ADGRB3: variants seen among roughly 807,000 people sequenced by gnomAD.
The protein encoded by ADGRB3 is adhesion G protein-coupled receptor B3, also known as brain-specific angiogenesis inhibitor 3.
A neutral mutation model predicts 193.4 loss-of-function variants in ADGRB3; 37 were observed. That is an observed-to-expected ratio of 0.19 (90% CI 0.15 to 0.25). ADGRB3 has a LOEUF of 0.25. ADGRB3 is among the 10% of genes least tolerant of loss of function. The pLI is 1.00. For missense variants in ADGRB3, 1,637 were observed against 1,852.9 expected (o/e 0.88, Z 2.14); for synonymous variants, 690 against 644.2 (o/e 1.07, Z -1.08).
At chr6:68,683,905 A>G (rs528885274) in intron 3 of ADGRB3, among the ~76,000 whole-genome samples, 1 of 152,178 alleles carries the variant, frequency 6.6e-6, no homozygotes, top group Non-Finnish European at 1.5e-5. Flanking sequence ...ATGTAAGTGC[A>G]TAGGACTACC....
intron 17 of ADGRB3, among the ~76,000 whole-genome samples, chr6:69,133,953 T>C (rs924931378): frequency 2.6e-5 from 4 of 152,160 alleles, no homozygotes; most frequent in Admixed American, 2.0e-4. Context: ...TTTCCATTGC[T>C]GAATTACTTC....
At chr6:69,057,375 T>C (rs1403471829) in intron 15 of ADGRB3, among the ~76,000 whole-genome samples, 1 of 152,108 alleles carries the variant, frequency 6.6e-6, no homozygotes, top group Non-Finnish European at 1.5e-5. Context: ...CCTCTTCCTT[T>C]CCCATTTGGA....
intron 20 of ADGRB3, among the ~76,000 whole-genome samples, chr6:69,257,923 C>T (rs1368180651): frequency 6.6e-6 from 1 of 152,058 alleles, no homozygotes; most frequent in African/African-American, 2.4e-5. Flanking sequence ...GCAGACCTGT[C>T]TATTTGTAGA....
intron 10 of ADGRB3, among the ~76,000 whole-genome samples, chr6:68,991,406 A>G (rs1454262128): frequency 6.6e-6 from 1 of 152,092 alleles, no homozygotes; most frequent in Non-Finnish European, 1.5e-5. Context: ...AGAAGGCACA[A>G]TGGCAGGTAA....
intron 3 of ADGRB3, among the ~76,000 whole-genome samples, chr6:68,874,825 A>T (rs967209394): frequency 6.6e-6 from 1 of 152,092 alleles, no homozygotes; most frequent in African/African-American, 2.4e-5. Flanking sequence ...TCTATATATG[A>T]ATATCTTTAT....
chr6:69,374,027 C>A (rs1769761767), intron 30 of ADGRB3, among the ~76,000 whole-genome samples: 1 of 152,084 alleles, frequency 6.6e-6, no homozygotes, highest in South Asian at 2.1e-4. Context: ...ACCCATAAAA[C>A]CATGTTGTTA....
At chr6:68,900,402 A>G (rs1766362178) in intron 3 of ADGRB3, among the ~76,000 whole-genome samples, 1 of 152,180 alleles carries the variant, frequency 6.6e-6, no homozygotes, top group African/African-American at 2.4e-5. Flanking sequence ...CATAGGGAAC[A>G]TGACAGGGAA....
intron 3 of ADGRB3, among the ~76,000 whole-genome samples, chr6:68,720,835 T>C (rs773778986): frequency 1.2e-4 from 18 of 151,792 alleles, no homozygotes; most frequent in Non-Finnish European, 2.4e-4. Flanking sequence ...AAGTTGTTTC[T>C]GCTGTTACCT....
At chr6:69,118,589 G>A (rs1773597375) in intron 17 of ADGRB3, among the ~76,000 whole-genome samples, 1 of 151,734 alleles carries the variant, frequency 6.6e-6, no homozygotes, top group East Asian at 1.9e-4. Flanking sequence ...ACTTCCAAGG[G>A]TCTCTGGGAC....
intron 20 of ADGRB3, among the ~76,000 whole-genome samples, chr6:69,250,722 A>G (rs571501243): frequency 1.3e-5 from 2 of 152,272 alleles, no homozygotes; most frequent in East Asian, 3.9e-4. Flanking sequence ...CACTTATTCT[A>G]ACTGAAGTAC....
intron 11 of ADGRB3, among the ~76,000 whole-genome samples, chr6:69,013,447 G>C (rs1769996340): frequency 6.6e-6 from 1 of 152,090 alleles, no homozygotes; most frequent in African/African-American, 2.4e-5. Flanking sequence ...GGAGTAAAGA[G>C]TAATAATTTG....
intron 13 of ADGRB3, among the ~76,000 whole-genome samples, chr6:69,030,146 A>G (rs1252125107): frequency 1.3e-5 from 2 of 152,086 alleles, no homozygotes; most frequent in Non-Finnish European, 2.9e-5. Context: ...AGAAATAGGA[A>G]CACTTTTACA....
At chr6:68,969,225 A>G (rs1768484332) in intron 8 of ADGRB3, among the ~76,000 whole-genome samples, 2 of 152,180 alleles carry the variant, frequency 1.3e-5, no homozygotes, top group African/African-American at 4.8e-5. Flanking sequence ...TATAATATTC[A>G]TATATTCAAT....
chr6:69,357,229 T>C (rs183673794), intron 28 of ADGRB3, among the ~76,000 whole-genome samples: 2 of 152,174 alleles, frequency 1.3e-5, no homozygotes, highest in East Asian at 3.9e-4. Flanking sequence ...GTATTAATGA[T>C]TTGCATATGA....
At chr6:68,823,667 C>G (rs1479445758) in intron 3 of ADGRB3, among the ~76,000 whole-genome samples, 4 of 152,000 alleles carry the variant, frequency 2.6e-5, no homozygotes, top group African/African-American at 9.7e-5. Flanking sequence ...CAAAATGACT[C>G]ATGCATGATA....
chr6:68,762,503 G>A (rs896287637), intron 3 of ADGRB3, among the ~76,000 whole-genome samples: 1 of 151,942 alleles, frequency 6.6e-6, no homozygotes, highest in Non-Finnish European at 1.5e-5. Flanking sequence ...TATATAGAGA[G>A]AGAGAGAGTG....
At chr6:69,305,967 G>C (rs998467710) in intron 20 of ADGRB3, among the ~76,000 whole-genome samples, 1 of 151,502 alleles carries the variant, frequency 6.6e-6, no homozygotes, top group East Asian at 1.9e-4. Flanking sequence ...TAAGTGATGT[G>C]TAGGCATTGT....
At chr6:68,967,598 AC>A (rs1247506420) in intron 8 of ADGRB3, among the ~76,000 whole-genome samples, 1 of 149,874 alleles carries the variant, frequency 6.7e-6, no homozygotes, top group African/African-American at 2.4e-5. Context: ...TAGAGGATCC[AC>A]CCCCCACCTC....
At chr6:69,288,637 A>G (rs1020606881) in intron 20 of ADGRB3, among the ~76,000 whole-genome samples, 1 of 152,168 alleles carries the variant, frequency 6.6e-6, no homozygotes, top group Non-Finnish European at 1.5e-5. Context: ...CAACAATCCA[A>G]TCACAATTCT....
Sources: allele counts gnomAD v4.1 joint callset (sites outside exome capture counted in the v4.1 genomes callset), GRCh38; gene constraint gnomAD v4.1.1; transcripts MANE v1.5; gene names NCBI Gene and HGNC (gene_info 2026-07-23, HGNC 2026-07-21).